Variants in RNF213 observed in about 807,000 individuals in gnomAD.
The protein encoded by RNF213 is E3 ubiquitin-protein ligase RNF213.
Under a neutral mutation model 514.4 loss-of-function variants are expected in RNF213, and 341 were observed. The observed-to-expected ratio is 0.66, with a 90% confidence interval of 0.61 to 0.73. RNF213 has a LOEUF of 0.73. Ranked by LOEUF, RNF213 falls within the 30% of genes least tolerant of loss-of-function variation. The pLI, the probability that RNF213 is intolerant of heterozygous loss-of-function variation, is 0.00. For synonymous variants in RNF213, 2,655 were observed against 2,658.2 expected, an observed-to-expected ratio of 1.00 and a Z score of 0.04; for missense variants, 5,767 against 6,615.6, an observed-to-expected ratio of 0.87 and a Z score of 4.45.
intron 13 of RNF213, among the ~76,000 whole-genome samples, chr17:80,308,437 C>T (rs1369794038): frequency 1.3e-5 from 2 of 152,048 alleles, no homozygotes; most frequent in Non-Finnish European, 2.9e-5. Flanking sequence ...CAAGGCTCCT[C>T]CTGAGTCCCT....
chr17:80,308,640 C>T (rs906645581), intron 13 of RNF213, among the ~76,000 whole-genome samples: 64 of 152,226 alleles, frequency 4.2e-4, no homozygotes, highest in Non-Finnish European at 6.9e-4. Context: ...GGGCTGCACG[C>T]TCTTCTACTA....
At position 80,358,405 on chromosome 17, in the gene RNF213, G is replaced by A; in HGVS notation, c.10980G>A (p.Trp3660Ter). The change falls in exon 37 of 68, where the codon TGG becomes TGA. Residue 3660 changes from tryptophan to a stop codon, truncating the protein, a stop_gained. Transcript: ENST00000582970. LOFTEE classifies it high-confidence loss of function. ...ELLTRPDTPP[W>*]ARDLWMFIFS... Reference sequence around the variant, plus strand: ...TGACCAGGCCAGATACTCCGCCCTGGGCAAGAGATCTTTGGATGTTTATTT... The same window carrying A: ...TGACCAGGCCAGATACTCCGCCCTGAGCAAGAGATCTTTGGATGTTTATTT... 6.2e-7 allele frequency: 1 copy of A among 1,614,132 alleles called. No individual in the cohort carries two copies.
At chr17:80,328,178 A>G (rs2046327441) in intron 19 of RNF213, 150 bp from the exon 20 acceptor site, 2 of 1,133,802 alleles carry the variant, frequency 1.8e-6, no homozygotes, top group South Asian at 3.3e-5. Context: ...AAGTGATAAA[A>G]TAATGGCCAT....
intron 51 of RNF213, 36 bp from the exon 52 acceptor site, chr17:80,376,265 T>C: frequency 1.9e-6 from 3 of 1,612,632 alleles, no homozygotes; most frequent in Non-Finnish European, 2.5e-6. Context: ...ACAATATTCT[T>C]TGATACATCT....
intron 2 of RNF213, among the ~76,000 whole-genome samples, chr17:80,272,951 C>T (rs1448640617): frequency 1.3e-5 from 2 of 151,632 alleles, no homozygotes; most frequent in Non-Finnish European, 3.0e-5. Context: ...CATCCTAGTA[C>T]AGAGTCAGGT....
chr17:80,383,818 T>A lies in RNF213; in HGVS notation c.14212T>A (p.Ser4738Thr). 1 of 1,614,066 alleles carries A rather than the reference T, an allele frequency of 6.2e-7. No homozygotes were observed. The highest frequency in any genetic ancestry group is 8.5e-7 in the Non-Finnish European group (1 of 1,180,006). ...HLPRKSVVHC[S>T]KIWSCRKRIT... ...GCCCCGGAAAAGTGTGGTCCATTGC[T>A]CTAAGATTTGGAGCTGCAGGAAAAG... The change falls in exon 59 of 68, where the codon TCT becomes ACT. Residue 4738 changes from serine (S) to threonine (T), a missense_variant. By Grantham distance (58) the Ser-to-Thr change is moderately conservative (BLOSUM62 1). Around this residue, in one of 13 missense-constraint regions of RNF213, gnomAD observed 1,245 missense variants for 1,339.0 expected, o/e 0.93. Transcript: ENST00000582970.
At chr17:80,378,671 C>A (rs1352377687) in intron 54 of RNF213, among the ~76,000 whole-genome samples, 1 of 152,146 alleles carries the variant, frequency 6.6e-6, no homozygotes, top group African/African-American at 2.4e-5. Flanking sequence ...AAAACTGTTA[C>A]ATACACTTCA....
rs139739751 is a variant in RNF213, at chr17:80,388,430, C to T, written c.14923-182C>T. ...GGCTGTGAGGACTCCGCTGGATTCC[C>T]GGTTGTGTTACTATTTCCATAGATG... On this transcript the variant is annotated intron_variant, in intron 63 of 67. Transcript: ENST00000582970. The T allele has an allele frequency of 1.3e-3, 842 of 632,478 alleles. 6 individuals are homozygous for T. Among genetic ancestry groups the T allele is most frequent in the African/African-American group, 0.013 (707 of 55,184 alleles). The allele number at this position is 632,478 out of a possible 1,614,324, so 39.2% of individuals were successfully genotyped here.
intron 49 of RNF213, among the ~76,000 whole-genome samples, chr17:80,373,418 C>T (rs959560378): frequency 2.0e-5 from 3 of 151,930 alleles, no homozygotes; most frequent in Non-Finnish European, 4.4e-5. Flanking sequence ...GGAAACCTGC[C>T]GCTTGTCTGT....
In RNF213 at chr17:80,363,596, T is replaced by C. The variant is rs1489906608; in HGVS notation, c.11569-13T>C. The C allele has an allele frequency of 5.0e-6, 8 of 1,612,822 alleles. No individual in the cohort carries two copies. The highest frequency in any genetic ancestry group is 6.8e-6 in the Non-Finnish European group (8 of 1,179,986). On this transcript the variant is annotated splice_polypyrimidine_tract_variant and intron_variant, in intron 40 of 67. Coordinates refer to ENST00000582970, the MANE Select transcript of RNF213 (RefSeq NM_001256071.3). ...GGCACCGCTCAGCCACGCCCTGCTG[T>C]CCGTCTCCCCAGACCCTGGACGCAT...
intron 29 of RNF213, among the ~76,000 whole-genome samples, chr17:80,348,598 C>T (rs911204101): frequency 1.3e-5 from 2 of 152,238 alleles, no homozygotes; most frequent in Admixed American, 6.5e-5. Flanking sequence ...AGCCCTTGTC[C>T]TTTGTTAGCA....
intron 26 of RNF213, among the ~76,000 whole-genome samples, chr17:80,342,931 G>A (rs1238750541): frequency 6.6e-6 from 1 of 151,442 alleles, no homozygotes; most frequent in African/African-American, 2.4e-5. Flanking sequence ...TCAGCCTCCT[G>A]AGTAGCTGGG....
rs1480021423 is a variant in RNF213 at position 80,339,664 on chromosome 17, T to A, written c.5297T>A (p.Leu1766Gln). 4 of 1,537,028 alleles carry A rather than the reference T, an allele frequency of 2.6e-6. No individual in the cohort carries two copies. The African/African-American group carries it at 5.5e-5, about 21-fold the overall frequency. The change falls in exon 26 of 68, where the codon CTG (leucine) becomes CAG (glutamine). Residue 1766 changes from leucine to glutamine, a missense_variant. Physicochemically the swap from Leu to Gln is moderately radical, Grantham distance 113 (BLOSUM62 -2). Coordinates refer to ENST00000582970, the MANE Select transcript of RNF213 (RefSeq NM_001256071.3). ...AGGAGAGTCATGGAAGAGCTCCCGC[T>A]GATGCTCTTATCAGAGTTCAGCCTG... is the stretch of plus-strand genomic sequence containing the variant. Reference protein sequence around the residue: ...RMRRVMEELPLMLLSEFSLVD... With the variant: ...RMRRVMEELPQMLLSEFSLVD...
chr17:80,380,123 C>T (rs1308992975), intron 55 of RNF213, among the ~76,000 whole-genome samples: 1 of 152,164 alleles, frequency 6.6e-6, no homozygotes, highest in African/African-American at 2.4e-5. Flanking sequence ...TTAGCTTTCT[C>T]CATTTTTTAT....
chr17:80,339,881 C>T lies in RNF213; in HGVS notation c.5514C>T (p.Ser1838=), dbSNP rs992402293. 1.0e-5 allele frequency: 16 copies of T among 1,536,918 alleles called. No homozygotes were observed. Among genetic ancestry groups the T allele is most frequent in the Admixed American group, 3.9e-5 (2 of 50,980 alleles). ...CCAACCTCGTCGTCTGTGGCCACTC[C>T]GAGGTGTTGCCAGCCGCCCTGGCTG... is the stretch of plus-strand genomic sequence containing the variant. ...GQPNLVVCGH[S]EVLPAALAVY... Residue 1838 remains serine (S), a synonymous_variant, in exon 26 of 68, where the codon TCC becomes TCT. Transcript: ENST00000582970.
At chr17:80,351,831 T>C in intron 32 of RNF213, 28 bp downstream of exon 32, 1 of 1,147,664 alleles carries the variant, frequency 8.7e-7, no homozygotes, top group Non-Finnish European at 1.3e-6. Context: ...GTCAGGGTAT[T>C]TATTTATGTA....
intron 13 of RNF213, 43 bp from the exon 14 acceptor site, chr17:80,308,972 TCTC>T (rs1378956452): frequency 6.2e-7 from 1 of 1,611,958 alleles, no homozygotes; most frequent in African/African-American, 1.3e-5. Context: ...TTTTCTGGCT[TCTC>T]CTAAATCCTT....
Position 80,263,221 on chromosome 17 carries a change from C to T in RNF213, c.-108-353C>T, listed in dbSNP as rs1179522070. 6.6e-6 allele frequency among the ~76,000 whole-genome samples: 1 copy of T among 152,196 alleles called. No individual in the cohort carries two copies. The highest frequency in any genetic ancestry group is 1.5e-5 in the Non-Finnish European group (1 of 68,020). On this transcript the variant is annotated intron_variant, in intron 1 of 67. Transcript: ENST00000582970. This position sits in a 1 kb window ranked among gnomAD's most constrained non-coding sequence, Gnocchi z 4.9. ...CAGCCCAGTAGCCCTGGGCTGCCTGCTCAGGCCCCATCACCTGTGGGGCAG... is the reference window on the plus strand; with the variant it reads ...CAGCCCAGTAGCCCTGGGCTGCCTGTTCAGGCCCCATCACCTGTGGGGCAG...
In RNF213 at chr17:80,380,943, C is replaced by T. The variant is rs1211418744; in HGVS notation, c.13753C>T (p.Leu4585Phe). The T allele has an allele frequency of 6.2e-7, 1 of 1,614,232 alleles. No homozygotes were observed. Among genetic ancestry groups the T allele is most frequent in the South Asian group, 1.1e-5 (1 of 91,090 alleles). ...AGTGGTCTTCCTCCTTATCCGGCTA[C>T]TCACTCACTTGGCTCTGCTTCTGGG... ...PPVVFLLIRL[L>F]THLALLLGAS... The change falls in exon 56 of 68, where the codon CTC (leucine) becomes TTC (phenylalanine). Residue 4585 changes from leucine to phenylalanine, a missense_variant. Around this residue, in one of 13 missense-constraint regions of RNF213, gnomAD observed 1,245 missense variants for 1,339.0 expected, o/e 0.93. Transcript: ENST00000582970.
Sources: allele counts gnomAD v4.1 joint callset (sites outside exome capture counted in the v4.1 genomes callset), GRCh38; gene constraint gnomAD v4.1.1; regional missense constraint gnomAD v4.1.1; non-coding constraint Gnocchi (gnomAD v3.1); transcripts MANE v1.5; gene names NCBI Gene and HGNC (gene_info 2026-07-23, HGNC 2026-07-21).